SCG5: variants seen among roughly 807,000 people sequenced by gnomAD.
SCG5 encodes the protein neuroendocrine protein 7B2.
SCG5 carries 18 observed loss-of-function variants against 25.7 expected under a neutral mutation model. The ratio of observed to expected loss-of-function variants is 0.70; its 90% CI spans 0.48 to 1.04. The LOEUF (loss-of-function observed/expected upper bound fraction) is 1.04. SCG5 is among the 50% of genes least tolerant of loss of function. The pLI is 0.00. For missense variants in SCG5, 206 were observed against 259.8 expected, an observed-to-expected ratio of 0.79 and a Z score of 1.42; for synonymous variants, 101 against 91.7, an observed-to-expected ratio of 1.10 and a Z score of -0.58.
At chr15:32,691,820 A>C (rs1034478094) in intron 5 of SCG5, 57 bp downstream of exon 5, 5 of 1,595,058 alleles carry the variant, frequency 3.1e-6, no homozygotes, top group Non-Finnish European at 4.3e-6. Flanking sequence ...TGAGTGGGGC[A>C]GTGAACAGGC....
chr15:32,658,948 G>A (rs2054169747), intron 2 of SCG5, among the ~76,000 whole-genome samples: 3 of 152,146 alleles, frequency 2.0e-5, no homozygotes, highest in South Asian at 2.1e-4. Flanking sequence ...AGGCCGAGGC[G>A]GGTGGATCCC....
intron 2 of SCG5, among the ~76,000 whole-genome samples, chr15:32,645,768 T>C (rs1301670482): frequency 6.6e-6 from 1 of 152,196 alleles, no homozygotes; most frequent in East Asian, 1.9e-4. Context: ...CAATTCAGAA[T>C]TAAAAACTCT....
chr15:32,692,200 T>C (rs772796971), intron 5 of SCG5: 42 of 1,005,248 alleles, frequency 4.2e-5, no homozygotes, highest in African/African-American at 5.2e-5. Context: ...GAAATAACTT[T>C]GAAGGAATTC....
intron 2 of SCG5, among the ~76,000 whole-genome samples, chr15:32,678,522 A>T (rs1051251733): frequency 3.3e-5 from 5 of 152,192 alleles, no homozygotes; most frequent in Non-Finnish European, 5.9e-5. Flanking sequence ...CTAAAAATTG[A>T]TTTTCATAAA....
chr15:32,692,076 T>A (rs1459656364), intron 5 of SCG5: 1 of 1,204,228 alleles, frequency 8.3e-7, no homozygotes, highest in Admixed American at 4.5e-5. Flanking sequence ...GACATGAGGG[T>A]CTGTCTGCCC....
intron 2 of SCG5, among the ~76,000 whole-genome samples, chr15:32,677,046 TA>T (rs2054543056): frequency 6.6e-6 from 1 of 152,198 alleles, no homozygotes. Flanking sequence ...ATGGGTTATA[TA>T]AAATACCTTA....
At chr15:32,659,656 A>T (rs528559442) in intron 2 of SCG5, among the ~76,000 whole-genome samples, 2 of 152,318 alleles carry the variant, frequency 1.3e-5, no homozygotes, top group Non-Finnish European at 2.9e-5. Context: ...GCAGAAGCCC[A>T]GGGGACCTTC....
At chr15:32,642,902 T>C (rs1450979105) in intron 1 of SCG5, among the ~76,000 whole-genome samples, 1 of 152,136 alleles carries the variant, frequency 6.6e-6, no homozygotes, top group Non-Finnish European at 1.5e-5. Context: ...ACAACAACCC[T>C]AAAAGGTAAA....
At chr15:32,653,815 GA>G (rs1344922906) in intron 2 of SCG5, among the ~76,000 whole-genome samples, 1 of 152,110 alleles carries the variant, frequency 6.6e-6, no homozygotes, top group African/African-American at 2.4e-5. Context: ...TACCTTCACA[GA>G]AAAATCTAGT....
intron 2 of SCG5, among the ~76,000 whole-genome samples, chr15:32,668,748 C>A (rs371698205): frequency 6.6e-6 from 1 of 152,180 alleles, no homozygotes; most frequent in South Asian, 2.1e-4. Context: ...GGGTCTGGGG[C>A]GGAGGGTCAC....
chr15:32,673,879 G>A (rs771710376), intron 2 of SCG5, among the ~76,000 whole-genome samples: 24 of 151,868 alleles, frequency 1.6e-4, no homozygotes, highest in East Asian at 3.9e-4. Flanking sequence ...GATTACAGGC[G>A]CCTGCCTGTA....
chr15:32,672,196 T>C (rs1349991046), intron 2 of SCG5, among the ~76,000 whole-genome samples: 1 of 152,240 alleles, frequency 6.6e-6, no homozygotes, highest in Non-Finnish European at 1.5e-5. Context: ...CAGGGGCCTG[T>C]GCCCGCTCCC....
chr15:32,663,582 T>C (rs1023435502), intron 2 of SCG5, among the ~76,000 whole-genome samples: 21 of 152,186 alleles, frequency 1.4e-4, no homozygotes, highest in African/African-American at 5.1e-4. Context: ...ATACTTTTCC[T>C]ACCTGGTGGA....
chr15:32,666,926 A>C (rs575540249), intron 2 of SCG5, among the ~76,000 whole-genome samples: 1 of 152,286 alleles, frequency 6.6e-6, no homozygotes, highest in Non-Finnish European at 1.5e-5. Flanking sequence ...TTTGGTATTC[A>C]CCACGCCCAA....
chr15:32,643,892 A>T (rs984347548), intron 2 of SCG5, 74 bp downstream of exon 2: 1 of 1,317,966 alleles, frequency 7.6e-7, no homozygotes, highest in Non-Finnish European at 1.1e-6. Context: ...TTCTCACAAC[A>T]ACCTTATAAG....
chr15:32,682,262 T>A (rs2054632928), intron 3 of SCG5, among the ~76,000 whole-genome samples: 1 of 152,034 alleles, frequency 6.6e-6, no homozygotes, highest in Non-Finnish European at 1.5e-5. Context: ...TTGCAACCAG[T>A]CCTCCTCATG....
chr15:32,651,800 G>A (rs2054034710), intron 2 of SCG5, among the ~76,000 whole-genome samples: 1 of 152,204 alleles, frequency 6.6e-6, no homozygotes, highest in Admixed American at 6.5e-5. Context: ...GAGGGGAAAA[G>A]GATAGGAAAG....
At chr15:32,680,459 A>C (rs2054600970) in intron 3 of SCG5, among the ~76,000 whole-genome samples, 1 of 151,374 alleles carries the variant, frequency 6.6e-6, no homozygotes, top group African/African-American at 2.4e-5. Context: ...CGGCCTCCCA[A>C]AGTGCTGGGA....
intron 2 of SCG5, among the ~76,000 whole-genome samples, chr15:32,645,080 AC>A (rs1423035301): frequency 6.6e-6 from 1 of 152,234 alleles, no homozygotes; most frequent in Non-Finnish European, 1.5e-5. Context: ...TTGAATTAGA[AC>A]AAATCCGACA....
Sources: allele counts gnomAD v4.1 joint callset (sites outside exome capture counted in the v4.1 genomes callset), GRCh38; gene constraint gnomAD v4.1.1; transcripts MANE v1.5; gene names NCBI Gene and HGNC (gene_info 2026-07-23, HGNC 2026-07-21).